LCOR: variants seen among roughly 807,000 people sequenced by gnomAD.
LCOR encodes ligand-dependent corepressor.
Under a neutral mutation model 64.4 loss-of-function variants are expected in LCOR, and 14 were observed. The observed-to-expected ratio is 0.22, with a 90% confidence interval of 0.14 to 0.34. The LOEUF is 0.34. Among genes scored for constraint, LCOR ranks in the 10% least tolerant of loss-of-function variants. LCOR has a pLI of 1.00. For missense variants in LCOR, 1,686 were observed against 1,765.3 expected (o/e 0.96, Z 0.80); for synonymous variants, 643 against 642.5 (o/e 1.00, Z -0.01).
At chr10:96,849,925 A>G (rs1353254765) in intron 2 of LCOR, among the ~76,000 whole-genome samples, 1 of 145,052 alleles carries the variant, frequency 6.9e-6, no homozygotes, top group Non-Finnish European at 1.5e-5. Context: ...TGGAATTGTC[A>G]GAAAGTCCTG....
At chr10:96,870,743 T>TC (rs1452109010) in intron 2 of LCOR, among the ~76,000 whole-genome samples, 1 of 152,320 alleles carries the variant, frequency 6.6e-6, no homozygotes, top group South Asian at 2.1e-4. Flanking sequence ...TGCTTTGTCT[T>TC]CCCCTTCTCC....
chr10:96,858,967 T>A (rs1845845874), intron 2 of LCOR, among the ~76,000 whole-genome samples: 1 of 152,192 alleles, frequency 6.6e-6, no homozygotes, highest in Non-Finnish European at 1.5e-5. Flanking sequence ...GAGGTTCTTT[T>A]CTCAACCATA....
intron 2 of LCOR, among the ~76,000 whole-genome samples, chr10:96,837,610 A>AT (rs1845469680): frequency 6.6e-6 from 1 of 152,176 alleles, no homozygotes; most frequent in Non-Finnish European, 1.5e-5. Context: ...CCACAAGAGT[A>AT]TTATCTTCTA....
At position 96,978,054 on chromosome 10, in the gene LCOR, G is replaced by A. The variant is rs1016511984; in HGVS notation, c.333-2739G>A. Among the ~76,000 whole-genome samples the A allele has an allele frequency of 2.6e-4, 40 of 152,254 alleles. 1 individual carries two copies. In the South Asian group the frequency reaches 3.9e-3, roughly 15 times the overall value. On this transcript the variant is annotated intron_variant, in intron 7 of 7. Coordinates refer to ENST00000421806, the MANE Select transcript of LCOR (RefSeq NM_001346516.2). ...TTACTGATTCTCCATCTCCACTCTC[G>A]TACTGTAGCCTGTAACACATATTGT... is the stretch of plus-strand genomic sequence containing the variant.
At chr10:96,887,206 C>G (rs1846358052) in intron 2 of LCOR, among the ~76,000 whole-genome samples, 1 of 152,158 alleles carries the variant, frequency 6.6e-6, no homozygotes, top group African/African-American at 2.4e-5. Flanking sequence ...ATATTATAGT[C>G]TTTCACTGCC....
At chr10:96,952,587 A>G (rs1847700320) in intron 7 of LCOR, among the ~76,000 whole-genome samples, 1 of 151,106 alleles carries the variant, frequency 6.6e-6, no homozygotes, top group African/African-American at 2.4e-5. Context: ...GTGTGTGTTC[A>G]TTTTTGTTTG....
chr10:96,929,602 T>A (rs1370317483), intron 4 of LCOR, among the ~76,000 whole-genome samples: 3 of 152,350 alleles, frequency 2.0e-5, no homozygotes, highest in African/African-American at 7.2e-5. Flanking sequence ...TGTTTTACTT[T>A]GTCATTTTTG....
At chr10:96,865,113 G>A (rs114372636) in intron 2 of LCOR, among the ~76,000 whole-genome samples, 8,391 of 152,106 alleles carry the variant, frequency 0.055, 779 homozygotes, top group African/African-American at 0.19. Context: ...GGATATCAAC[G>A]TATATTTTCA....
chr10:96,992,646 A>C lies in LCOR; in HGVS notation c.*7512A>C, dbSNP rs555955201. The C allele has an allele frequency of 1.3e-5, 2 of 152,324 alleles. No homozygotes were observed. The highest frequency in any genetic ancestry group is 3.9e-4 in the East Asian group (2 of 5,190). The allele number at this position is 152,324 out of a possible 1,614,324, so 9.4% of individuals were successfully genotyped here. On this transcript the variant is annotated 3_prime_UTR_variant, in exon 8 of 8. Transcript: ENST00000421806. ...AGCTGTATGGCATCGGGTGTGCCCCACGCAGCCTACTTCTTGCATGCACAG... is the reference window on the plus strand; with the variant it reads ...AGCTGTATGGCATCGGGTGTGCCCCCCGCAGCCTACTTCTTGCATGCACAG...
chr10:96,891,775 C>T (rs1031531662), intron 2 of LCOR, among the ~76,000 whole-genome samples: 2 of 151,920 alleles, frequency 1.3e-5, no homozygotes, highest in African/African-American at 2.4e-5. Flanking sequence ...AACGCCTGAC[C>T]TCAGGTGATC....
At chr10:96,849,424 G>A (rs1845689157) in intron 2 of LCOR, among the ~76,000 whole-genome samples, 1 of 152,088 alleles carries the variant, frequency 6.6e-6, no homozygotes, top group Non-Finnish European at 1.5e-5. Flanking sequence ...CACCCAGGCT[G>A]GTCTTGAACT....
chr10:96,981,228 T>C lies in LCOR; in HGVS notation c.768T>C (p.Asn256=), dbSNP rs1848082446. 1.2e-6 allele frequency: 1 copy of C among 835,960 alleles called. No individual in the cohort carries two copies. The highest frequency in any genetic ancestry group is 2.0e-6 in the Non-Finnish European group (1 of 503,766). The allele number at this position is 835,960 out of a possible 1,614,324, so 51.8% of individuals were successfully genotyped here. A position where few individuals can be genotyped will look rare whatever the true frequency, so the allele number is the denominator to read the frequency against. Residue 256 remains asparagine (N), a synonymous_variant, in exon 8 of 8, where the codon AAT becomes AAC. Transcript: ENST00000421806. The stretch of plus-strand genomic sequence containing the variant: ...CTGAACTTCCAACCACTAAATCGAA[T>C]TCTATTAATAGCAGTTCAGTGGATA... The part of the protein sequence containing the change: ...DSSELPTTKS[N]SINSSSVDSF...
intron 7 of LCOR, among the ~76,000 whole-genome samples, chr10:96,980,350 GA>G (rs1564645151): frequency 6.6e-6 from 1 of 151,784 alleles, no homozygotes; most frequent in East Asian, 1.9e-4. Flanking sequence ...TAGCTTTTTT[GA>G]AAAAAATGTA....
chr10:96,862,105 G>GTGAAGAGATGCATAGGGCA (rs1300861084), intron 2 of LCOR, among the ~76,000 whole-genome samples: 26 of 152,280 alleles, frequency 1.7e-4, no homozygotes, highest in Non-Finnish European at 1.6e-4. Context: ...AAAGATACAG[G>GTGAAGAGATGCATAGGGCA]TGAAGAGATG....
intron 7 of LCOR, among the ~76,000 whole-genome samples, chr10:96,953,034 C>A (rs1847708815): frequency 6.6e-6 from 1 of 152,130 alleles, no homozygotes; most frequent in Admixed American, 6.5e-5. Flanking sequence ...AGTGGACTAA[C>A]CTTTTCCAAC....
At chr10:96,922,429 A>C (rs1301831333) in intron 4 of LCOR, among the ~76,000 whole-genome samples, 4 of 152,210 alleles carry the variant, frequency 2.6e-5, no homozygotes, top group Non-Finnish European at 5.9e-5. Flanking sequence ...AATAGTAGAA[A>C]GTCCTATAGG....
At chr10:96,910,010 G>T (rs1846801287) in intron 4 of LCOR, among the ~76,000 whole-genome samples, 1 of 152,058 alleles carries the variant, frequency 6.6e-6, no homozygotes, top group Non-Finnish European at 1.5e-5. Flanking sequence ...TCTATGCTTG[G>T]TAGTTGTATA....
chr10:96,868,650 C>G (rs1188156041), intron 2 of LCOR, among the ~76,000 whole-genome samples: 1 of 152,132 alleles, frequency 6.6e-6, no homozygotes, highest in Non-Finnish European at 1.5e-5. Context: ...AGGTCACTGT[C>G]AGAAAAACCT....
At position 96,939,161 on chromosome 10, in the gene LCOR, A is replaced by T. The variant is rs189107740; in HGVS notation, c.-183-4952A>T. On this transcript the variant is annotated intron_variant, in intron 4 of 7. Coordinates refer to ENST00000421806, the MANE Select transcript of LCOR (RefSeq NM_001346516.2). ...TAATGTGATGCTGGCTTGAGGATAG[A>T]TATATAAATAGTGGAATAGAATCGA... is the stretch of plus-strand genomic sequence containing the variant. Among the ~76,000 whole-genome samples, 720 of 152,380 alleles carry T rather than the reference A, an allele frequency of 4.7e-3. 10 individuals carry two copies. Among genetic ancestry groups the T allele is most frequent in the African/African-American group, 0.015 (641 of 41,588 alleles).
Sources: allele counts gnomAD v4.1 joint callset (sites outside exome capture counted in the v4.1 genomes callset), GRCh38; gene constraint gnomAD v4.1.1; transcripts MANE v1.5; gene names NCBI Gene and HGNC (gene_info 2026-07-23, HGNC 2026-07-21).